SMIM14: variants seen among roughly 807,000 people sequenced by gnomAD.
SMIM14 encodes the protein chromosome 4 open reading frame 34.
A neutral mutation model predicts 12.6 loss-of-function variants in SMIM14; 5 were observed. The observed-to-expected ratio is 0.40, with a 90% confidence interval of 0.21 to 0.83. The LOEUF (loss-of-function observed/expected upper bound fraction) is 0.83, where lower values mean the gene tolerates loss of function less well. Ranked by LOEUF, SMIM14 falls within the 40% of genes least tolerant of loss-of-function variation. The pLI is 0.37. For synonymous variants in SMIM14, 30 were observed against 40.1 expected, an observed-to-expected ratio of 0.75 and a Z score of 0.95; for missense variants, 86 against 119.1, an observed-to-expected ratio of 0.72 and a Z score of 1.29.
At chr4:39,586,717 C>A (rs778284876) in intron 2 of SMIM14, among the ~76,000 whole-genome samples, 3 of 152,052 alleles carry the variant, frequency 2.0e-5, no homozygotes, top group Non-Finnish European at 4.4e-5. Flanking sequence ...AGTCACTTAC[C>A]CGTTTTTAGG....
intron 1 of SMIM14, among the ~76,000 whole-genome samples, chr4:39,607,294 G>A (rs942442143): frequency 6.6e-6 from 1 of 152,136 alleles, no homozygotes; most frequent in Non-Finnish European, 1.5e-5. Flanking sequence ...TCTCAATAAC[G>A]AGTAAAATTA....
At chr4:39,586,923 GTCT>G (rs1713811573) in intron 2 of SMIM14, among the ~76,000 whole-genome samples, 1 of 151,920 alleles carries the variant, frequency 6.6e-6, no homozygotes, top group Admixed American at 6.6e-5. Flanking sequence ...GTAGATAGAG[GTCT>G]TCTTCCTCCA....
intron 3 of SMIM14, among the ~76,000 whole-genome samples, chr4:39,563,964 T>C (rs1226254107): frequency 6.6e-6 from 1 of 152,052 alleles, no homozygotes; most frequent in Non-Finnish European, 1.5e-5. Flanking sequence ...AGTCTTGCTC[T>C]GTCACCAGGC....
chr4:39,589,594 A>G (rs1228116667), intron 2 of SMIM14: 1 of 152,204 alleles, frequency 6.6e-6, no homozygotes, highest in Non-Finnish European at 1.5e-5. Flanking sequence ...TAGAATTCCT[A>G]TCATTAATAG....
At chr4:39,618,134 A>C (rs1041487418) in intron 1 of SMIM14, among the ~76,000 whole-genome samples, 5 of 152,220 alleles carry the variant, frequency 3.3e-5, no homozygotes, top group African/African-American at 1.2e-4. Context: ...AACCTAAACT[A>C]TCAGTGACAT....
Position 39,555,913 on chromosome 4 carries a change from T to C in SMIM14, c.267+515A>G, listed in dbSNP as rs78342293. On this transcript the variant is annotated intron_variant, in intron 4 of 4. Transcript: ENST00000295958. ...GTGGAGGATTGAGACTTGAGCAATA[T>C]TGCTGTGGATTATGAAATGGATTAT... is the stretch of plus-strand genomic sequence containing the variant. Among the ~76,000 whole-genome samples the C allele has an allele frequency of 2.5e-3, 388 of 152,258 alleles. 1 individual carries two copies. Among genetic ancestry groups the C allele is most frequent in the African/African-American group, 9.0e-3 (376 of 41,564 alleles).
chr4:39,598,988 C>T (rs920572291), intron 2 of SMIM14, among the ~76,000 whole-genome samples: 1 of 152,146 alleles, frequency 6.6e-6, no homozygotes, highest in Non-Finnish European at 1.5e-5. Context: ...CACTCAAAAT[C>T]CTAGTCTTCT....
chr4:39,615,523 T>C (rs1715187057), intron 1 of SMIM14, among the ~76,000 whole-genome samples: 1 of 152,132 alleles, frequency 6.6e-6, no homozygotes, highest in Non-Finnish European at 1.5e-5. Context: ...AACTATGGAC[T>C]TTAGGTAACA....
At chr4:39,555,394 G>A (rs1434888988) in intron 4 of SMIM14, among the ~76,000 whole-genome samples, 1 of 151,080 alleles carries the variant, frequency 6.6e-6, no homozygotes, top group East Asian at 2.0e-4. Flanking sequence ...CACCATGTCT[G>A]GCTAATTTTT....
intron 2 of SMIM14, among the ~76,000 whole-genome samples, chr4:39,584,503 A>AAAAAAAAAAAAAC (rs1560293029): frequency 7.2e-6 from 1 of 139,020 alleles, no homozygotes; most frequent in Non-Finnish European, 1.6e-5. Flanking sequence ...AAAAAAAAAA[A>AAAAAAAAAAAAAC]AAGACAAACA....
intron 3 of SMIM14, among the ~76,000 whole-genome samples, chr4:39,569,035 C>T (rs963841886): frequency 2.6e-5 from 4 of 152,120 alleles, no homozygotes; most frequent in African/African-American, 9.7e-5. Flanking sequence ...GTAATAAACA[C>T]GTGTTTTCCC....
At chr4:39,582,593 G>A (rs1713568993) in intron 2 of SMIM14, among the ~76,000 whole-genome samples, 1 of 151,548 alleles carries the variant, frequency 6.6e-6, no homozygotes, top group South Asian at 2.1e-4. Context: ...GAACCCAGGA[G>A]GCAGAGGTTG....
chr4:39,556,315 G>A (rs1712012522), intron 4 of SMIM14, 113 bp downstream of exon 4: 8 of 936,340 alleles, frequency 8.5e-6, no homozygotes, highest in South Asian at 3.7e-5. Context: ...AATACTCTAT[G>A]AGTTAAATAT....
At chr4:39,557,092 G>A (rs371073089) in intron 3 of SMIM14, among the ~76,000 whole-genome samples, 13 of 148,396 alleles carry the variant, frequency 8.8e-5, no homozygotes, top group African/African-American at 2.8e-4. Context: ...TTGGCTCACT[G>A]CAACCTCTGC....
chr4:39,613,955 C>T (rs1360655538), intron 1 of SMIM14, among the ~76,000 whole-genome samples: 1 of 151,892 alleles, frequency 6.6e-6, no homozygotes, highest in East Asian at 1.9e-4. Context: ...TTTTGGGAGG[C>T]CGAGGTGGGT....
At position 39,558,708 on chromosome 4, in the gene SMIM14, T is replaced by G. The variant is rs985778236; in HGVS notation, c.125-2138A>C. Among the ~76,000 whole-genome samples the G allele has an allele frequency of 3.3e-5, 5 of 152,206 alleles. No homozygotes were observed. On this transcript the variant is annotated intron_variant, in intron 3 of 4. Coordinates refer to ENST00000295958, the MANE Select transcript of SMIM14 (RefSeq NM_174921.3). The surrounding 1 kb of genome is among the most constrained non-coding windows in gnomAD (Gnocchi z 4.3). ...ATCAGTTACAAGGAGGAGAGCAGTT[T>G]CTTTTTTTTGTTTGTTTTTTTGAGA...
chr4:39,624,816 G>GAAAA lies in SMIM14; in HGVS notation c.-36+13919_-36+13922dup, dbSNP rs539792739. Among the ~76,000 whole-genome samples, 290 of 110,264 alleles carry GAAAA rather than the reference G, an allele frequency of 2.6e-3. 4 individuals carry two copies. The highest frequency in any genetic ancestry group is 9.8e-3 in the African/African-American group (270 of 27,682). 72.3% of individuals were successfully genotyped at this position (110,264 alleles called of 152,430 possible). A position where few individuals can be genotyped will look rare whatever the true frequency, so the allele number is the denominator to read the frequency against. Reference sequence around the variant, plus strand: ...GGACAACAGAGCAAGACACCATCTCGAAAAAAAAAAAAAAAAAACTTCCTA... The same window carrying GAAAA: ...GGACAACAGAGCAAGACACCATCTCGAAAAAAAAAAAAAAAAAAAAAACTTCCTA... On this transcript the variant is annotated intron_variant, in intron 1 of 4. Coordinates refer to ENST00000295958, the MANE Select transcript of SMIM14 (RefSeq NM_174921.3).
At chr4:39,620,467 T>G (rs1180624009) in intron 1 of SMIM14, among the ~76,000 whole-genome samples, 1 of 151,844 alleles carries the variant, frequency 6.6e-6, no homozygotes, top group Non-Finnish European at 1.5e-5. Context: ...GCGAGAGAGA[T>G]AGACTGTATC....
intron 1 of SMIM14, among the ~76,000 whole-genome samples, chr4:39,635,120 C>T (rs1000322692): frequency 3.3e-5 from 5 of 152,188 alleles, no homozygotes; most frequent in Admixed American, 3.3e-4. Context: ...ACAATGGTAT[C>T]AACCACAGCA....
Sources: allele counts gnomAD v4.1 joint callset (sites outside exome capture counted in the v4.1 genomes callset), GRCh38; gene constraint gnomAD v4.1.1; non-coding constraint Gnocchi (gnomAD v3.1); transcripts MANE v1.5; gene names NCBI Gene and HGNC (gene_info 2026-07-23, HGNC 2026-07-21).